The following CSMD2 variants were observed in gnomAD, a reference collection of about 807,000 sequenced individuals.
CSMD2 encodes the protein CUB and sushi domain-containing protein 2.
A neutral mutation model predicts 398.5 loss-of-function variants in CSMD2; 130 were observed. The observed-to-expected ratio is 0.33, with a 90% CI of 0.28 to 0.38. CSMD2 has a LOEUF of 0.38. Among genes scored for constraint, CSMD2 ranks in the 10% least tolerant of loss-of-function variants. The pLI, the probability that CSMD2 is intolerant of heterozygous loss-of-function variation, is 1.00. For missense variants in CSMD2, 3,829 were observed against 4,764.9 expected (o/e 0.80, Z 5.78); for synonymous variants, 1,828 against 1,908.5 (o/e 0.96, Z 1.10).
chr1:34,122,039 C>G (rs889014786), intron 1 of CSMD2, among the ~76,000 whole-genome samples: 11 of 148,610 alleles, frequency 7.4e-5, no homozygotes, highest in Non-Finnish European at 1.6e-4. Context: ...TTTCATCTCT[C>G]TTTCCAGCTG....
rs544318461 is a variant in CSMD2 at position 33,535,088 on chromosome 1, T to C, written c.9880-1181A>G. Reference sequence around the variant, plus strand: ...TAAAATCCAAAATACTTATCATGGCTTCAAGGCCCTGCATGACCTGTCCCA... The same window carrying C: ...TAAAATCCAAAATACTTATCATGGCCTCAAGGCCCTGCATGACCTGTCCCA... On this transcript the variant is annotated intron_variant, in intron 62 of 70. Transcript: ENST00000373381. Among the ~76,000 whole-genome samples, 6 of 152,336 alleles carry C rather than the reference T, an allele frequency of 3.9e-5. No homozygotes were observed. In the South Asian group the frequency reaches 1.2e-3, roughly 32 times the overall value.
chr1:33,731,707 G>A (rs1467680707), intron 15 of CSMD2, among the ~76,000 whole-genome samples: 2 of 152,310 alleles, frequency 1.3e-5, no homozygotes, highest in African/African-American at 4.8e-5. Flanking sequence ...CAATTATAAT[G>A]TATGAAGCTA....
chr1:33,797,982 G>A (rs946808310), intron 10 of CSMD2, among the ~76,000 whole-genome samples: 9 of 152,178 alleles, frequency 5.9e-5, no homozygotes, highest in Admixed American at 4.6e-4. Flanking sequence ...TCAGAGTGCC[G>A]ACCCTGATGC....
chr1:34,140,395 G>A (rs964369002), intron 1 of CSMD2, among the ~76,000 whole-genome samples: 18 of 151,438 alleles, frequency 1.2e-4, no homozygotes, highest in Non-Finnish European at 2.2e-4. Context: ...CTGGCTCTCC[G>A]AGCAAAGGCA....
At chr1:33,856,400 C>T (rs907960016) in intron 5 of CSMD2, among the ~76,000 whole-genome samples, 1 of 152,218 alleles carries the variant, frequency 6.6e-6, no homozygotes, top group Non-Finnish European at 1.5e-5. Flanking sequence ...CTGGCCTCCA[C>T]TGGCTCCTGC....
chr1:33,965,733 A>G (rs1645533111), intron 3 of CSMD2, among the ~76,000 whole-genome samples: 1 of 152,182 alleles, frequency 6.6e-6, no homozygotes, highest in Non-Finnish European at 1.5e-5. Context: ...TTTTCAAAAA[A>G]TGGTTCAGAA....
intron 5 of CSMD2, among the ~76,000 whole-genome samples, chr1:33,851,889 A>T (rs1367625875): frequency 6.6e-6 from 1 of 152,058 alleles, no homozygotes; most frequent in African/African-American, 2.4e-5. Flanking sequence ...GCTGGGCCTT[A>T]TCTTTGAAAA....
chr1:33,663,534 G>A (rs1355147191), intron 25 of CSMD2, among the ~76,000 whole-genome samples: 1 of 152,178 alleles, frequency 6.6e-6, no homozygotes, highest in Non-Finnish European at 1.5e-5. Context: ...AGGGGGAACT[G>A]TGGAGTCTCT....
chr1:33,666,219 A>G (rs1644311323), intron 25 of CSMD2, among the ~76,000 whole-genome samples: 1 of 152,180 alleles, frequency 6.6e-6, no homozygotes, highest in Admixed American at 6.5e-5. Flanking sequence ...TCCCAAATTT[A>G]CTCTTTTAGA....
At chr1:34,094,228 A>G (rs2148387214) in intron 1 of CSMD2, among the ~76,000 whole-genome samples, 1 of 152,182 alleles carries the variant, frequency 6.6e-6, no homozygotes, top group South Asian at 2.1e-4. Context: ...TGTCACCACC[A>G]GGCCTGCCCT....
Position 33,820,552 on chromosome 1 carries a change from A to C in CSMD2, c.1116T>G (p.Thr372=). 1 of 719,892 alleles carries C rather than the reference A, an allele frequency of 1.4e-6. No homozygotes were observed. The highest frequency in any genetic ancestry group is 2.3e-6 in the Non-Finnish European group (1 of 428,282). 44.6% of individuals were successfully genotyped at this position (719,892 alleles called of 1,614,324 possible). A position where few individuals can be genotyped will look rare whatever the true frequency, so the allele number is the denominator to read the frequency against. Residue 372 remains threonine, a synonymous_variant, in exon 8 of 71, where the codon ACT becomes ACG. Transcript: ENST00000373381. Reference sequence around the variant, plus strand: ...TATGTCCTTGGGACACACCAACCTGAGTTACTACAAGGCAAAAAAAAAAAA... The same window carrying C: ...TATGTCCTTGGGACACACCAACCTGCGTTACTACAAGGCAAAAAAAAAAAA... The part of the protein sequence containing the change: ...KDNSQKTSVL[T]QVGVSQGHNM...
intron 67 of CSMD2, 42 bp downstream of exon 67, chr1:33,523,265 T>G: frequency 1.0e-6 from 1 of 962,350 alleles, no homozygotes; most frequent in Non-Finnish European, 1.7e-6. Flanking sequence ...TCCCTGCCAG[T>G]GATCTGGGAG....
chr1:33,673,633 A>G (rs1352555793), intron 25 of CSMD2, among the ~76,000 whole-genome samples: 1 of 152,212 alleles, frequency 6.6e-6, no homozygotes, highest in Non-Finnish European at 1.5e-5. Flanking sequence ...ACTCCTCGAG[A>G]AGAGCAACTC....
intron 12 of CSMD2, among the ~76,000 whole-genome samples, chr1:33,780,507 G>A (rs115405636): frequency 0.01 from 1,590 of 152,314 alleles, 24 homozygotes; most frequent in African/African-American, 0.036. Context: ...ACTGTCATGG[G>A]TTTGTCACCA....
chr1:34,069,797 C>G (rs1655517432), intron 2 of CSMD2, among the ~76,000 whole-genome samples: 1 of 152,174 alleles, frequency 6.6e-6, no homozygotes, highest in Non-Finnish European at 1.5e-5. Flanking sequence ...ACCTTTTCTG[C>G]AGAAGCACAT....
At position 34,031,973 on chromosome 1, in the gene CSMD2, G is replaced by C. The variant is rs537533141; in HGVS notation, c.517+621C>G. Among the ~76,000 whole-genome samples the C allele has an allele frequency of 4.5e-4, 69 of 152,150 alleles. 1 individual carries two copies. The highest frequency in any genetic ancestry group is 1.6e-3 in the African/African-American group (65 of 41,520). On this transcript the variant is annotated intron_variant, in intron 3 of 70. Transcript: ENST00000373381. ...TTCCCAGGGAAATGACAGAGATCTA[G>C]AAGTACCACCTTCTGAACATAATAA...
intron 1 of CSMD2, among the ~76,000 whole-genome samples, chr1:34,160,251 A>G (rs899264403): frequency 6.6e-6 from 1 of 152,230 alleles, no homozygotes; most frequent in Non-Finnish European, 1.5e-5. Flanking sequence ...AGCCCTAGAT[A>G]TGGTGGGCAC....
chr1:33,558,043 T>C, intron 54 of CSMD2, 121 bp from the exon 55 acceptor site: 1 of 811,016 alleles, frequency 1.2e-6, no homozygotes, highest in Non-Finnish European at 1.9e-6. Context: ...GTTGCTGGAC[T>C]TCTCCCCTCA....
intron 6 of CSMD2, chr1:33,838,763 G>A (rs899899779): frequency 3.3e-5 from 5 of 152,254 alleles, no homozygotes; most frequent in Non-Finnish European, 4.4e-5. Context: ...TGTCTGTTGC[G>A]GGTCAATTGA....
Sources: gnomAD v4.1 joint callset for allele counts (sites outside exome capture counted in the v4.1 genomes callset) on GRCh38, gnomAD v4.1.1 for gene constraint, MANE v1.5 for transcripts, NCBI Gene and HGNC (gene_info 2026-07-23, HGNC 2026-07-21) for gene names.